NFAT5: variants seen among roughly 807,000 people sequenced by gnomAD.
NFAT5 encodes the protein nuclear factor of activated T cells 5.
In NFAT5, 31 loss-of-function variants were observed where a neutral mutation model predicts 166.5. That is an observed-to-expected ratio of 0.19 (90% confidence interval 0.14 to 0.25). The LOEUF (loss-of-function observed/expected upper bound fraction) is 0.25. Among genes scored for constraint, NFAT5 ranks in the 10% least tolerant of loss-of-function variants. The pLI is 1.00. For synonymous variants in NFAT5, 612 were observed against 639.7 expected, an observed-to-expected ratio of 0.96 and a Z score of 0.65; for missense variants, 1,449 against 1,821.8, an observed-to-expected ratio of 0.80 and a Z score of 3.72.
chr16:69,664,919 C>T (rs1567589079), intron 7 of NFAT5, among the ~76,000 whole-genome samples: 3 of 151,960 alleles, frequency 2.0e-5, no homozygotes, highest in Non-Finnish European at 2.9e-5. Flanking sequence ...CCCAGCTACT[C>T]GGGAGGATGA....
Position 69,647,081 on chromosome 16 carries a change from A to G in NFAT5, c.307A>G (p.Thr103Ala), listed in dbSNP as rs765933947. The change falls in exon 4 of 15, where the codon ACC becomes GCC. Residue 103 changes from threonine to alanine, a missense_variant. Thr to Ala is a moderately conservative substitution (Grantham distance 58). Around this residue, in one of 7 missense-constraint regions of NFAT5, gnomAD observed 172 missense variants for 194.5 expected, o/e 0.88. Transcript: ENST00000349945. The surrounding 1 kb of genome is among the most constrained non-coding windows in gnomAD (Gnocchi z 4.8). ...SSMGGACSSF[T>A]TSSSPTIYST... ...CATGGGCGGTGCTTGCAGCTCCTTTACCACCTCTTCCAGCCCTACCATTTA... is the reference window on the plus strand; with the variant it reads ...CATGGGCGGTGCTTGCAGCTCCTTTGCCACCTCTTCCAGCCCTACCATTTA... 6.2e-7 allele frequency: 1 copy of G among 1,608,668 alleles called. No individual in the cohort carries two copies. Among genetic ancestry groups the G allele is most frequent in the Non-Finnish European group, 8.5e-7 (1 of 1,176,236 alleles).
At chr16:69,576,185 A>T (rs568444978) in intron 2 of NFAT5, among the ~76,000 whole-genome samples, 1 of 151,196 alleles carries the variant, frequency 6.6e-6, no homozygotes, top group East Asian at 2.0e-4. Context: ...GGGCACCTGT[A>T]GTCCCCTGAG....
intron 2 of NFAT5, among the ~76,000 whole-genome samples, chr16:69,620,251 T>G (rs544837378): frequency 2.0e-5 from 3 of 152,366 alleles, no homozygotes; most frequent in African/African-American, 7.2e-5. Flanking sequence ...TCTACTTTTC[T>G]TATACACATA....
At chr16:69,572,271 C>T (rs547599207) in intron 2 of NFAT5, among the ~76,000 whole-genome samples, 1 of 152,080 alleles carries the variant, frequency 6.6e-6, no homozygotes, top group South Asian at 2.1e-4. Context: ...TTCTGGTAAC[C>T]CCATAATTAA....
At position 69,702,822 on chromosome 16, in the gene NFAT5, T is replaced by C. The variant is rs954968629; in HGVS notation, c.*6471T>C. 6.5e-6 allele frequency: 1 copy of C among 152,678 alleles called. No individual in the cohort carries two copies. Among genetic ancestry groups the C allele is most frequent in the African/African-American group, 2.4e-5 (1 of 41,470 alleles). The allele number at this position is 152,678 out of a possible 1,614,324, so 9.5% of individuals were successfully genotyped here. On this transcript the variant is annotated 3_prime_UTR_variant, in exon 15 of 15. Coordinates refer to ENST00000349945, the MANE Select transcript of NFAT5 (RefSeq NM_138713.4). Reference sequence around the variant, plus strand: ...CTTAACCTGGTTATCTATAATCTTTTATTGGCAAAAGTTAATTCTCAGTAC... The same window carrying C: ...CTTAACCTGGTTATCTATAATCTTTCATTGGCAAAAGTTAATTCTCAGTAC...
chr16:69,647,129 A>G lies in NFAT5; in HGVS notation c.355A>G (p.Lys119Glu). Residue 119 changes from lysine (K) to glutamate (E), a missense_variant, in exon 4 of 15, where the codon AAG becomes GAG. Transcript: ENST00000349945. The surrounding 1 kb of genome is among the most constrained non-coding windows in gnomAD (Gnocchi z 4.8). ...TTATTCTACCTCAGTCACCGACAGCAAGGCTATGCAAGTGGAGAGCTGCTC... is the reference window on the plus strand; with the variant it reads ...TTATTCTACCTCAGTCACCGACAGCGAGGCTATGCAAGTGGAGAGCTGCTC... ...TIYSTSVTDSKAMQVESCSSA... is the reference protein window; with the variant it reads ...TIYSTSVTDSEAMQVESCSSA... 8.7e-6 allele frequency: 14 copies of G among 1,614,054 alleles called. No individual in the cohort carries two copies. Among genetic ancestry groups the G allele is most frequent in the Non-Finnish European group, 1.2e-5 (14 of 1,179,948 alleles).
intron 3 of NFAT5, among the ~76,000 whole-genome samples, chr16:69,638,826 G>A (rs2035083116): frequency 6.6e-6 from 1 of 151,458 alleles, no homozygotes; most frequent in Non-Finnish European, 1.5e-5. Context: ...ATGTATTGTA[G>A]CGTATTGAAG....
intron 2 of NFAT5, among the ~76,000 whole-genome samples, chr16:69,590,488 A>T (rs1567523453): frequency 6.6e-6 from 1 of 152,238 alleles, no homozygotes; most frequent in Non-Finnish European, 1.5e-5. Flanking sequence ...AATAAGACTC[A>T]GTTGAATTTC....
chr16:69,572,627 T>C (rs2016510100), intron 2 of NFAT5, among the ~76,000 whole-genome samples: 1 of 151,518 alleles, frequency 6.6e-6, no homozygotes, highest in Non-Finnish European at 1.5e-5. Flanking sequence ...ACTGAATGAA[T>C]CATTCTAGAA....
At chr16:69,594,655 C>T (rs946616802) in intron 2 of NFAT5, among the ~76,000 whole-genome samples, 1 of 152,104 alleles carries the variant, frequency 6.6e-6, no homozygotes, top group Admixed American at 6.6e-5. Flanking sequence ...ATGTTTTTTC[C>T]TATACATACA....
In NFAT5 at chr16:69,596,465, A is replaced by G. The variant is rs573807478; in HGVS notation, c.127+27917A>G. Among the ~76,000 whole-genome samples the G allele has an allele frequency of 7.9e-5, 12 of 152,338 alleles. No individual in the cohort carries two copies. The South Asian group carries it at 2.3e-3, about 29-fold the overall frequency. On this transcript the variant is annotated intron_variant, in intron 2 of 14. Coordinates refer to ENST00000349945, the MANE Select transcript of NFAT5 (RefSeq NM_138713.4). ...CCGGGTGCAGTGGCTCACGCCTGTA[A>G]TCCCAGCACTTTGGGAGGCTGAGGC...
intron 3 of NFAT5, among the ~76,000 whole-genome samples, chr16:69,635,290 C>T (rs571682435): frequency 2.6e-5 from 4 of 152,176 alleles, no homozygotes; most frequent in South Asian, 2.1e-4. Flanking sequence ...GTATTACAGG[C>T]GTGAGCCACC....
chr16:69,682,978 G>A lies in NFAT5; in HGVS notation c.1691-1909G>A, dbSNP rs375857223. Among the ~76,000 whole-genome samples the A allele has an allele frequency of 7.9e-5, 12 of 152,232 alleles. No individual in the cohort carries two copies. In the East Asian group the frequency reaches 2.3e-3, roughly 29 times the overall value. On this transcript the variant is annotated intron_variant, in intron 10 of 14. Transcript: ENST00000349945. ...TAGAATCCCAGCACTTTGGGAGACC[G>A]AGGTGGGCAGATCACCTGAGGTCAG...
At chr16:69,613,562 T>C (rs2033802091) in intron 2 of NFAT5, among the ~76,000 whole-genome samples, 1 of 152,172 alleles carries the variant, frequency 6.6e-6, no homozygotes, top group Admixed American at 6.6e-5. Context: ...ATGAAAATAC[T>C]CTTTTTGTTC....
intron 2 of NFAT5, among the ~76,000 whole-genome samples, chr16:69,612,140 A>T (rs1473880313): frequency 6.6e-6 from 1 of 152,196 alleles, no homozygotes; most frequent in Non-Finnish European, 1.5e-5. Flanking sequence ...TTGTTTTACA[A>T]CTTAGAATTA....
chr16:69,581,705 T>C (rs1389022557), intron 2 of NFAT5, among the ~76,000 whole-genome samples: 2 of 152,226 alleles, frequency 1.3e-5, no homozygotes, highest in Admixed American at 1.3e-4. Flanking sequence ...TTGAGCATCC[T>C]TTCATGTGAT....
intron 3 of NFAT5, among the ~76,000 whole-genome samples, chr16:69,640,060 G>A (rs959905755): frequency 6.6e-6 from 1 of 152,202 alleles, no homozygotes; most frequent in African/African-American, 2.4e-5. Context: ...TACAATTTTT[G>A]TTTTTTTAAT....
rs1248781442 is a variant in NFAT5, at chr16:69,653,326, G to A, written c.903G>A (p.Lys301=). The part of the protein sequence containing the change: ...YPVKSEGKEL[K]IVVQPETQHR... ...TTAAAAGTGAGGGAAAGGAGCTGAA[G>A]ATAGTTGTACAACCTGAGACACAGC... Residue 301 remains lysine (K), a synonymous_variant, in exon 5 of 15, where the codon AAG becomes AAA. Coordinates refer to ENST00000349945, the MANE Select transcript of NFAT5 (RefSeq NM_138713.4). 1.2e-6 allele frequency: 2 copies of A among 1,613,292 alleles called. No homozygotes were observed. The highest frequency in any genetic ancestry group is 1.7e-6 in the Non-Finnish European group (2 of 1,179,758).
chr16:69,593,519 T>TG (rs996744100), intron 2 of NFAT5, among the ~76,000 whole-genome samples: 2 of 151,662 alleles, frequency 1.3e-5, no homozygotes, highest in African/African-American at 4.9e-5. Context: ...CTCCCTAGGT[T>TG]GCCCAGGCGT....
Sources: allele counts gnomAD v4.1 joint callset (sites outside exome capture counted in the v4.1 genomes callset), GRCh38; gene constraint gnomAD v4.1.1; regional missense constraint gnomAD v4.1.1; non-coding constraint Gnocchi (gnomAD v3.1); transcripts MANE v1.5; gene names NCBI Gene and HGNC (gene_info 2026-07-23, HGNC 2026-07-21).